Variants in KCNQ5 observed in about 807,000 individuals in gnomAD.
KCNQ5 encodes the protein potassium voltage-gated channel subfamily KQT member 5.
KCNQ5 carries 30 observed loss-of-function variants against 98.2 expected under a neutral mutation model. The ratio of observed to expected loss-of-function variants is 0.31; its 90% CI spans 0.23 to 0.41. The LOEUF (loss-of-function observed/expected upper bound fraction) is 0.41, where lower values mean the gene tolerates loss of function less well. KCNQ5 is among the 10% of genes least tolerant of loss of function. The pLI is 1.00. For missense variants in KCNQ5, 835 were observed against 1,182.5 expected (o/e 0.71, Z 4.31); for synonymous variants, 458 against 449.4 (o/e 1.02, Z -0.24).
At chr6:73,116,307 A>T (rs1333672373) in intron 7 of KCNQ5, among the ~76,000 whole-genome samples, 1 of 152,190 alleles carries the variant, frequency 6.6e-6, no homozygotes, top group East Asian at 1.9e-4. Context: ...CAGGATAGGA[A>T]GTTAATTGAT....
At chr6:73,143,491 C>G (rs1016464204) in intron 10 of KCNQ5, 13 of 152,196 alleles carry the variant, frequency 8.5e-5, no homozygotes, top group Admixed American at 8.5e-4. Context: ...CTCATTCCTC[C>G]CACTGTTTCT....
chr6:73,072,350 G>T, intron 3 of KCNQ5, among the ~76,000 whole-genome samples: 1 of 152,094 alleles, frequency 6.6e-6, no homozygotes, highest in East Asian at 1.9e-4. Context: ...TCTTTTCATT[G>T]TGATTTTACA....
chr6:72,669,723 C>CA (rs2154473289), intron 1 of KCNQ5, among the ~76,000 whole-genome samples: 1 of 152,214 alleles, frequency 6.6e-6, no homozygotes, highest in East Asian at 1.9e-4. Context: ...TCTGTTATTC[C>CA]ATCCCATTTT....
chr6:72,724,595 C>T (rs1379126407), intron 1 of KCNQ5, among the ~76,000 whole-genome samples: 1 of 151,984 alleles, frequency 6.6e-6, no homozygotes, highest in Non-Finnish European at 1.5e-5. Flanking sequence ...ACACACACAC[C>T]ACATGTGAAT....
chr6:72,801,847 G>A (rs998619453), intron 1 of KCNQ5, among the ~76,000 whole-genome samples: 11 of 150,750 alleles, frequency 7.3e-5, no homozygotes, highest in Admixed American at 2.0e-4. Flanking sequence ...CTCAGCATTT[G>A]CTTGTCTGTA....
rs143746253 is a variant in KCNQ5, at chr6:72,929,424, A to G, written c.399-74484A>G. Among the ~76,000 whole-genome samples, 901 of 152,294 alleles carry G rather than the reference A, an allele frequency of 5.9e-3. 5 individuals are homozygous for G. Among genetic ancestry groups the G allele is most frequent in the Non-Finnish European group, 9.1e-3 (617 of 67,996 alleles). On this transcript the variant is annotated intron_variant, in intron 1 of 13. Transcript: ENST00000370398. The stretch of plus-strand genomic sequence containing the variant: ...AGTGCACTCTCAGTTGTCTGGGCAC[A>G]TGGAAATATCTGGCACAGTCTCTTA...
At chr6:72,674,971 G>T (rs1767334148) in intron 1 of KCNQ5, among the ~76,000 whole-genome samples, 1 of 152,146 alleles carries the variant, frequency 6.6e-6, no homozygotes, top group Non-Finnish European at 1.5e-5. Flanking sequence ...CTTACTTTAA[G>T]TAATGTAGTT....
intron 10 of KCNQ5, among the ~76,000 whole-genome samples, chr6:73,152,488 T>C (rs754788107): frequency 9.7e-4 from 148 of 152,166 alleles, no homozygotes; most frequent in Admixed American, 2.2e-3. Context: ...TCTTTTATTT[T>C]AGTATCCTAT....
At chr6:73,004,036 T>C (rs1326451104) in intron 2 of KCNQ5, 38 bp downstream of exon 2, 5 of 1,179,922 alleles carry the variant, frequency 4.2e-6, no homozygotes, top group East Asian at 2.3e-5. Context: ...ATGAATGTTG[T>C]ATAAGAACTG....
intron 1 of KCNQ5, among the ~76,000 whole-genome samples, chr6:72,789,986 T>C (rs978614139): frequency 3.3e-5 from 5 of 152,092 alleles, no homozygotes; most frequent in African/African-American, 9.7e-5. Flanking sequence ...AACAGAAGAA[T>C]AGTATTGAGA....
chr6:72,736,489 T>TA (rs1171140736), intron 1 of KCNQ5, among the ~76,000 whole-genome samples: 1 of 145,074 alleles, frequency 6.9e-6, no homozygotes, highest in African/African-American at 2.7e-5. Flanking sequence ...TGCTTACATG[T>TA]AAAAAAAGAT....
chr6:72,675,633 A>G (rs759815908), intron 1 of KCNQ5, among the ~76,000 whole-genome samples: 2 of 152,322 alleles, frequency 1.3e-5, no homozygotes, highest in East Asian at 1.9e-4. Flanking sequence ...ATAATAACTG[A>G]ACTTTCTTGG....
chr6:72,868,977 A>G (rs1778099082), intron 1 of KCNQ5, among the ~76,000 whole-genome samples: 1 of 152,200 alleles, frequency 6.6e-6, no homozygotes, highest in Non-Finnish European at 1.5e-5. Context: ...CTATTATAAA[A>G]GAGTGGGACT....
chr6:72,709,811 T>C (rs965371628), intron 1 of KCNQ5, among the ~76,000 whole-genome samples: 4 of 152,166 alleles, frequency 2.6e-5, no homozygotes, highest in Non-Finnish European at 5.9e-5. Flanking sequence ...CACCCATTAA[T>C]TTATTAAAAA....
At chr6:73,068,047 G>T (rs1177342545) in intron 3 of KCNQ5, among the ~76,000 whole-genome samples, 7 of 152,054 alleles carry the variant, frequency 4.6e-5, no homozygotes, top group African/African-American at 7.3e-5. Context: ...TGTAATCCCA[G>T]CACTTTGGGA....
At position 73,194,860 on chromosome 6, in the gene KCNQ5, C is replaced by T; in HGVS notation, c.2245C>T (p.Gln749Ter). The change falls in exon 14 of 14, where the codon CAG becomes TAG. Residue 749 changes from glutamine (Q) to a stop codon, truncating the protein, a stop_gained. Coordinates refer to ENST00000370398, the MANE Select transcript of KCNQ5 (RefSeq NM_019842.4). LOFTEE classifies it high-confidence loss of function. ...CAAGCCAGCAGCCCCAACAACTTTA[C>T]AGATCCCACCTCCTCTCCCAGCCAT... is the stretch of plus-strand genomic sequence containing the variant. ...APKPAAPTTL[Q>*]IPPPLPAIKH... 1.2e-6 allele frequency: 2 copies of T among 1,614,180 alleles called. No homozygotes were observed. Among genetic ancestry groups the T allele is most frequent in the Non-Finnish European group, 1.7e-6 (2 of 1,180,028 alleles).
intron 3 of KCNQ5, among the ~76,000 whole-genome samples, chr6:73,063,686 T>TAGATAGATGAAA (rs55995543): frequency 1.1e-5 from 1 of 93,244 alleles, no homozygotes; most frequent in Admixed American, 1.2e-4. Flanking sequence ...GATAGATAGA[T>TAGATAGATGAAA]GATAGATAGA....
chr6:72,748,402 C>T (rs1317512602), intron 1 of KCNQ5, among the ~76,000 whole-genome samples: 1 of 152,036 alleles, frequency 6.6e-6, no homozygotes, highest in Non-Finnish European at 1.5e-5. Context: ...ACTTCACAGC[C>T]TGTTATGAAT....
intron 1 of KCNQ5, among the ~76,000 whole-genome samples, chr6:72,980,121 C>T (rs1768364241): frequency 6.6e-6 from 1 of 152,158 alleles, no homozygotes; most frequent in Admixed American, 6.5e-5. Flanking sequence ...ATGCCTCCAG[C>T]TTTATTCTTT....
Sources: gnomAD v4.1 joint callset for allele counts (sites outside exome capture counted in the v4.1 genomes callset) on GRCh38, gnomAD v4.1.1 for gene constraint, MANE v1.5 for transcripts, NCBI Gene and HGNC (gene_info 2026-07-23, HGNC 2026-07-21) for gene names.